The following CFAP299 variants were observed in gnomAD, a reference collection of about 807,000 sequenced individuals.
CFAP299 encodes the protein cilia- and flagella-associated protein 299.
In CFAP299, 21 loss-of-function variants were observed where a neutral mutation model predicts 27.0. The observed-to-expected ratio is 0.78, with a 90% CI of 0.55 to 1.12. The LOEUF (loss-of-function observed/expected upper bound fraction) is 1.12, where lower values mean the gene tolerates loss of function less well. Among genes scored for constraint, CFAP299 ranks in the 50% most tolerant of loss-of-function variants. The pLI is 0.00. For missense variants in CFAP299, 310 were observed against 276.6 expected, an observed-to-expected ratio of 1.12 and a Z score of -0.86; for synonymous variants, 104 against 98.1, an observed-to-expected ratio of 1.06 and a Z score of -0.36.
At chr4:80,704,719 A>G (rs559667367) in intron 3 of CFAP299, among the ~76,000 whole-genome samples, 4 of 151,946 alleles carry the variant, frequency 2.6e-5, no homozygotes, top group Admixed American at 1.3e-4. Context: ...ATTGGTTACC[A>G]AAACAATCTA....
chr4:80,811,475 T>C (rs905933684), intron 3 of CFAP299, among the ~76,000 whole-genome samples: 4 of 152,178 alleles, frequency 2.6e-5, no homozygotes, highest in Admixed American at 6.6e-5. Context: ...GACTGTCTCA[T>C]TGAGCTGTTA....
At position 80,350,546 on chromosome 4, in the gene CFAP299, A is replaced by G. The variant is rs536775327; in HGVS notation, c.112-12208A>G. On this transcript the variant is annotated intron_variant, in intron 1 of 5. Coordinates refer to ENST00000358105, the MANE Select transcript of CFAP299 (RefSeq NM_152770.3). Reference sequence around the variant, plus strand: ...CTTGGAACAAACCCAAATGCCACCAATGATATACTGGATAAAGAAAACGTA... The same window carrying G: ...CTTGGAACAAACCCAAATGCCACCAGTGATATACTGGATAAAGAAAACGTA... Among the ~76,000 whole-genome samples the G allele has an allele frequency of 3.9e-5, 6 of 152,332 alleles. No homozygotes were observed. The South Asian group carries it at 1.0e-3, about 26-fold the overall frequency.
At chr4:80,745,665 T>A (rs778778791) in intron 3 of CFAP299, among the ~76,000 whole-genome samples, 2 of 152,098 alleles carry the variant, frequency 1.3e-5, no homozygotes, top group Non-Finnish European at 2.9e-5. Context: ...TTTGTCAGAA[T>A]AATTGAACCA....
intron 2 of CFAP299, among the ~76,000 whole-genome samples, chr4:80,456,663 T>C (rs1240106286): frequency 2.0e-5 from 3 of 152,166 alleles, no homozygotes; most frequent in Non-Finnish European, 4.4e-5. Context: ...GTATTTTAGA[T>C]GTAGCAAGTT....
At chr4:80,705,685 G>A (rs962557742) in intron 3 of CFAP299, among the ~76,000 whole-genome samples, 1 of 151,806 alleles carries the variant, frequency 6.6e-6, no homozygotes, top group Admixed American at 6.6e-5. Flanking sequence ...GGGAACACTG[G>A]ACTGCTTTCC....
intron 3 of CFAP299, among the ~76,000 whole-genome samples, chr4:80,608,601 G>C (rs1023842128): frequency 2.0e-5 from 3 of 151,962 alleles, no homozygotes; most frequent in Admixed American, 6.6e-5. Flanking sequence ...TTGAAAAAAA[G>C]CGCATTGTAG....
chr4:80,322,585 A>G, the CFAP299 span, among the ~76,000 whole-genome samples: 1 of 152,226 alleles, frequency 6.6e-6, no homozygotes, highest in Non-Finnish European at 1.5e-5. Flanking sequence ...AAGAAACACA[A>G]AAATCCTGCT....
rs75851069 is a variant in CFAP299, at chr4:80,487,730, T to A, written c.243-95363T>A. The stretch of plus-strand genomic sequence containing the variant: ...CTGTTTTGTTCATAATCAATACTCA[T>A]ATGTTTTTCCTGCATTGCAACTATC... On this transcript the variant is annotated intron_variant, in intron 2 of 5. Coordinates refer to ENST00000358105, the MANE Select transcript of CFAP299 (RefSeq NM_152770.3). Among the ~76,000 whole-genome samples the A allele has an allele frequency of 1.7e-3, 256 of 152,288 alleles. 1 individual carries two copies. The highest frequency in any genetic ancestry group is 5.7e-3 in the African/African-American group (235 of 41,550).
intron 3 of CFAP299, among the ~76,000 whole-genome samples, chr4:80,697,973 T>C (rs941359660): frequency 1.3e-5 from 2 of 152,194 alleles, no homozygotes; most frequent in African/African-American, 4.8e-5. Context: ...AAACCAAGGA[T>C]AGACATTCAT....
intron 3 of CFAP299, among the ~76,000 whole-genome samples, chr4:80,689,612 G>A (rs1017213106): frequency 4.6e-5 from 7 of 152,176 alleles, no homozygotes; most frequent in Non-Finnish European, 1.0e-4. Flanking sequence ...AGATCATTGA[G>A]ACTAGGCAGA....
chr4:80,432,533 A>T (rs1187359500), intron 2 of CFAP299, among the ~76,000 whole-genome samples: 53 of 120,918 alleles, frequency 4.4e-4, no homozygotes, highest in East Asian at 1.2e-3. Context: ...TTTACACTCT[A>T]TTTTTTTTTT....
intron 2 of CFAP299, among the ~76,000 whole-genome samples, chr4:80,500,850 T>A (rs76135089): frequency 6.6e-6 from 1 of 152,108 alleles, no homozygotes. Flanking sequence ...TTACTTCTTT[T>A]TATAAAACCC....
intron 3 of CFAP299, among the ~76,000 whole-genome samples, chr4:80,688,169 G>T (rs187891011): frequency 6.6e-4 from 100 of 152,342 alleles, no homozygotes; most frequent in African/African-American, 2.4e-3. Flanking sequence ...CGGGAAGCTC[G>T]AACAGAGTGG....
At chr4:80,370,549 A>T (rs902338698) in intron 2 of CFAP299, among the ~76,000 whole-genome samples, 2 of 152,252 alleles carry the variant, frequency 1.3e-5, no homozygotes, top group Non-Finnish European at 2.9e-5. Context: ...AATGGGGGAT[A>T]GGCATTAGGT....
At chr4:80,831,919 G>A (rs1180645595) in intron 3 of CFAP299, among the ~76,000 whole-genome samples, 2 of 152,114 alleles carry the variant, frequency 1.3e-5, no homozygotes, top group Non-Finnish European at 2.9e-5. Flanking sequence ...AGAAACTAGT[G>A]CTTGTTAATG....
intron 4 of CFAP299, among the ~76,000 whole-genome samples, chr4:80,906,976 A>C (rs1450966821): frequency 6.6e-6 from 1 of 152,160 alleles, no homozygotes; most frequent in African/African-American, 2.4e-5. Context: ...TTCTCTCCAA[A>C]AAATGGGCTT....
chr4:80,713,277 T>C lies in CFAP299; in HGVS notation c.333+130094T>C, dbSNP rs144413411. 2.4e-3 allele frequency among the ~76,000 whole-genome samples: 365 copies of C among 152,234 alleles called. 1 individual carries two copies. The highest frequency in any genetic ancestry group is 8.4e-3 in the African/African-American group (347 of 41,540). On this transcript the variant is annotated intron_variant, in intron 3 of 5. Coordinates refer to ENST00000358105, the MANE Select transcript of CFAP299 (RefSeq NM_152770.3). Reference sequence around the variant, plus strand: ...CCAAAGTTGGACTCTATTAACCCAATTGAACCCATGTAGGAGGCCACTGAA... The same window carrying C: ...CCAAAGTTGGACTCTATTAACCCAACTGAACCCATGTAGGAGGCCACTGAA...
chr4:80,343,773 C>A (rs1722587086), intron 1 of CFAP299, among the ~76,000 whole-genome samples: 2 of 129,798 alleles, frequency 1.5e-5, no homozygotes, highest in African/African-American at 5.8e-5. Context: ...TCCGGTCCGG[C>A]CTGGGCGACA....
chr4:80,765,639 G>T (rs1439482946), intron 3 of CFAP299, among the ~76,000 whole-genome samples: 1 of 151,694 alleles, frequency 6.6e-6, no homozygotes, highest in Non-Finnish European at 1.5e-5. Flanking sequence ...TATACTTTAA[G>T]TTTCAGGGTA....
Sources: allele counts gnomAD v4.1 joint callset (sites outside exome capture counted in the v4.1 genomes callset), GRCh38; gene constraint gnomAD v4.1.1; transcripts MANE v1.5; gene names NCBI Gene and HGNC (gene_info 2026-07-23, HGNC 2026-07-21).